NRXN1: variants seen among roughly 807,000 people sequenced by gnomAD.
The protein encoded by NRXN1 is neurexin-1.
In NRXN1, 39 loss-of-function variants were observed where a neutral mutation model predicts 150.9. The observed-to-expected ratio is 0.26, with a 90% CI of 0.20 to 0.34. NRXN1 has a LOEUF of 0.34. NRXN1 is among the 10% of genes least tolerant of loss of function. NRXN1 has a pLI of 1.00. For missense variants in NRXN1, 1,815 were observed against 1,949.9 expected, an observed-to-expected ratio of 0.93 and a Z score of 1.30; for synonymous variants, 924 against 757.0, an observed-to-expected ratio of 1.22 and a Z score of -3.62.
intron 5 of NRXN1, among the ~76,000 whole-genome samples, chr2:50,835,130 T>C (rs1035942276): frequency 6.6e-6 from 1 of 152,168 alleles, no homozygotes; most frequent in Non-Finnish European, 1.5e-5. Flanking sequence ...GTCTTCTACC[T>C]CGTAGGTTCA....
intron 5 of NRXN1, among the ~76,000 whole-genome samples, chr2:50,893,963 T>C (rs922571150): frequency 2.0e-5 from 3 of 152,090 alleles, no homozygotes; most frequent in African/African-American, 7.2e-5. Flanking sequence ...TAGTATTCCA[T>C]GGTGTATATG....
chr2:50,734,458 C>T (rs199721509), intron 5 of NRXN1, among the ~76,000 whole-genome samples: 8 of 152,114 alleles, frequency 5.3e-5, no homozygotes, highest in East Asian at 3.9e-4. Flanking sequence ...AGTGTTGCAC[C>T]GCTTTCTTTG....
chr2:49,922,823 T>G (rs1668459657), intron 22 of NRXN1, among the ~76,000 whole-genome samples: 1 of 152,180 alleles, frequency 6.6e-6, no homozygotes, highest in East Asian at 1.9e-4. Flanking sequence ...TAAATAAAAA[T>G]AGACTAATTT....
At chr2:50,984,855 C>T (rs986946659) in intron 2 of NRXN1, among the ~76,000 whole-genome samples, 1 of 151,946 alleles carries the variant, frequency 6.6e-6, no homozygotes, top group Non-Finnish European at 1.5e-5. Flanking sequence ...TTTGTATTTA[C>T]CCCAAATTTT....
intron 18 of NRXN1, among the ~76,000 whole-genome samples, chr2:50,144,875 C>A (rs1306035085): frequency 6.6e-6 from 1 of 151,166 alleles, no homozygotes. Context: ...TTACCTATAA[C>A]CAAGGTGTCT....
chr2:49,960,492 T>TA (rs1181412576), intron 21 of NRXN1, among the ~76,000 whole-genome samples: 1 of 152,198 alleles, frequency 6.6e-6, no homozygotes, highest in East Asian at 1.9e-4. Flanking sequence ...GGAGTAGCTA[T>TA]AAAAATGTTC....
At chr2:50,467,385 T>C (rs1002703876) in intron 16 of NRXN1, among the ~76,000 whole-genome samples, 3 of 151,232 alleles carry the variant, frequency 2.0e-5, no homozygotes, top group African/African-American at 7.3e-5. Flanking sequence ...TTTATAAAAA[T>C]AGAAAAAAAG....
At chr2:50,130,370 T>G (rs1381991232) in intron 18 of NRXN1, among the ~76,000 whole-genome samples, 2 of 152,118 alleles carry the variant, frequency 1.3e-5, no homozygotes, top group African/African-American at 4.8e-5. Context: ...TTAGGCATCC[T>G]CTTCTCAGAA....
rs1323703279 is a variant in NRXN1 at position 50,950,285 on chromosome 2, T to C, written c.773-24330A>G. Among the ~76,000 whole-genome samples the C allele has an allele frequency of 3.3e-5, 5 of 152,158 alleles. No individual in the cohort carries two copies. In the East Asian group the frequency reaches 7.7e-4, roughly 23 times the overall value. On this transcript the variant is annotated intron_variant, in intron 2 of 22. Coordinates refer to ENST00000401669, the MANE Select transcript of NRXN1 (RefSeq NM_001330078.2). ...AGGGAAAATAGAAATGTGTGGACTT[T>C]GGAGATTGCAATAAAAAAGAAAAGA...
chr2:50,404,393 A>G (rs538294019), intron 17 of NRXN1, among the ~76,000 whole-genome samples: 4 of 152,232 alleles, frequency 2.6e-5, no homozygotes, highest in Admixed American at 6.5e-5. Context: ...AACTCTGAAC[A>G]TTCTTCTTTA....
intron 18 of NRXN1, among the ~76,000 whole-genome samples, chr2:50,186,712 T>C (rs944739998): frequency 6.6e-6 from 1 of 152,058 alleles, no homozygotes; most frequent in African/African-American, 2.4e-5. Flanking sequence ...AGAATGCTTC[T>C]TCTGAACTTT....
chr2:50,143,955 C>T (rs1707650133), intron 18 of NRXN1, among the ~76,000 whole-genome samples: 1 of 151,900 alleles, frequency 6.6e-6, no homozygotes, highest in Non-Finnish European at 1.5e-5. Context: ...AAAACTATGG[C>T]TATATTTTTC....
rs560255450 is a variant in NRXN1 at position 50,550,010 on chromosome 2, T to G, written c.1759+2577A>C. Among the ~76,000 whole-genome samples the G allele has an allele frequency of 2.0e-5, 3 of 152,268 alleles. No homozygotes were observed. In the East Asian group the frequency reaches 5.8e-4, roughly 29 times the overall value. On this transcript the variant is annotated intron_variant, in intron 9 of 22. Coordinates refer to ENST00000401669, the MANE Select transcript of NRXN1 (RefSeq NM_001330078.2). ...AAGACTGGAAAGAAATACCCAAAAA[T>G]ATAAATCATTATTTTCAAATGAATA...
At chr2:50,851,841 C>A (rs996819124) in intron 5 of NRXN1, among the ~76,000 whole-genome samples, 1 of 152,134 alleles carries the variant, frequency 6.6e-6, no homozygotes, top group East Asian at 1.9e-4. Context: ...CTGTAAGATA[C>A]GCCTGTGTCC....
rs187295327 is a variant in NRXN1 at position 50,826,000 on chromosome 2, T to C, written c.832+95869A>G. Among the ~76,000 whole-genome samples, 104 of 152,334 alleles carry C rather than the reference T, an allele frequency of 6.8e-4. No homozygotes were observed. The East Asian group carries it at 0.017, about 24-fold the overall frequency. On this transcript the variant is annotated intron_variant, in intron 5 of 22. Transcript: ENST00000401669. ...GAAAGCCACTTTGACTCTTCCCACA[T>C]ATCTTACATCTGCTCTCATGGAAAT...
At chr2:50,077,795 T>C (rs989191505) in intron 19 of NRXN1, among the ~76,000 whole-genome samples, 2 of 152,120 alleles carry the variant, frequency 1.3e-5, no homozygotes, top group African/African-American at 2.4e-5. Context: ...TCTTTTTGGA[T>C]TCTCAGTGGA....
chr2:50,188,351 A>T (rs2061223368), intron 18 of NRXN1, among the ~76,000 whole-genome samples: 1 of 152,160 alleles, frequency 6.6e-6, no homozygotes, highest in Admixed American at 6.6e-5. Context: ...TCCCTTCCTT[A>T]TACCTTATAC....
chr2:50,117,758 A>C (rs1432943933), intron 18 of NRXN1, among the ~76,000 whole-genome samples: 2 of 149,652 alleles, frequency 1.3e-5, no homozygotes, highest in Non-Finnish European at 3.0e-5. Flanking sequence ...CCAAATCATA[A>C]AGCCTCAGGC....
At chr2:50,780,120 G>A (rs1053805433) in intron 5 of NRXN1, among the ~76,000 whole-genome samples, 3 of 152,124 alleles carry the variant, frequency 2.0e-5, no homozygotes, top group African/African-American at 4.8e-5. Flanking sequence ...AATGACCAGC[G>A]ATGATTAGCT....
Sources: allele counts gnomAD v4.1 joint callset (sites outside exome capture counted in the v4.1 genomes callset), GRCh38; gene constraint gnomAD v4.1.1; transcripts MANE v1.5; gene names NCBI Gene and HGNC (gene_info 2026-07-23, HGNC 2026-07-21).